The following ATL1 variants were observed in gnomAD, a reference collection of about 807,000 sequenced individuals.
ATL1 encodes atlastin GTPase 1.
In ATL1, 31 loss-of-function variants were observed where a neutral mutation model predicts 75.5. The ratio of observed to expected loss-of-function variants is 0.41; its 90% CI spans 0.31 to 0.55. The LOEUF is 0.55. ATL1 is among the 20% of genes least tolerant of loss of function. ATL1 has a pLI of 0.27. For missense variants in ATL1, 405 were observed against 662.6 expected, an observed-to-expected ratio of 0.61 and a Z score of 4.27; for synonymous variants, 226 against 233.3, an observed-to-expected ratio of 0.97 and a Z score of 0.28.
At chr14:50,628,619 A>G (rs1026457148) in intron 12 of ATL1, 157 bp downstream of exon 12, 7 of 760,316 alleles carry the variant, frequency 9.2e-6, no homozygotes, top group African/African-American at 6.9e-5. Flanking sequence ...AACTAACTAT[A>G]TAATACTGTG....
intron 1 of ATL1, among the ~76,000 whole-genome samples, chr14:50,573,724 T>C (rs767587027): frequency 2.6e-5 from 4 of 152,214 alleles, no homozygotes; most frequent in Admixed American, 6.5e-5. Flanking sequence ...ATCTGATAGA[T>C]ACTTTAAAGT....
At chr14:50,534,669 A>T (rs2038470643) in intron 1 of ATL1, among the ~76,000 whole-genome samples, 1 of 152,254 alleles carries the variant, frequency 6.6e-6, no homozygotes, top group Non-Finnish European at 1.5e-5. Context: ...GGAAAAAGTC[A>T]AGACTCTATG....
intron 9 of ATL1, 48 bp downstream of exon 9, chr14:50,620,774 T>C: frequency 3.1e-6 from 5 of 1,605,938 alleles, no homozygotes; most frequent in Non-Finnish European, 4.3e-6. Context: ...TTGACATATA[T>C]TGGATCGTAA....
intron 6 of ATL1, among the ~76,000 whole-genome samples, chr14:50,599,872 G>A (rs1031022627): frequency 6.6e-6 from 1 of 152,076 alleles, no homozygotes; most frequent in Non-Finnish European, 1.5e-5. Flanking sequence ...GAAGGGGTAT[G>A]AATTCTCCTG....
intron 1 of ATL1, among the ~76,000 whole-genome samples, chr14:50,585,745 T>A (rs2039095405): frequency 6.6e-6 from 1 of 152,198 alleles, no homozygotes; most frequent in South Asian, 2.1e-4. Context: ...TCCACAACTT[T>A]ATGTTGTAAA....
intron 1 of ATL1, 152 bp from the exon 2 acceptor site, chr14:50,587,679 G>A: frequency 9.5e-7 from 1 of 1,057,336 alleles, no homozygotes; most frequent in South Asian, 1.4e-5. Context: ...AAGGTGCTAG[G>A]ATTACAGGCA....
chr14:50,614,252 C>T (rs1473495820), intron 7 of ATL1, 121 bp from the exon 8 acceptor site: 2 of 1,086,570 alleles, frequency 1.8e-6, no homozygotes, highest in Non-Finnish European at 2.8e-6. Flanking sequence ...TTAGTAGCAG[C>T]CCTGTCGTGT....
chr14:50,559,534 A>C (rs941809467), upstream of ATL1: 4 of 152,160 alleles, frequency 2.6e-5, no homozygotes, highest in African/African-American at 9.7e-5. Context: ...TTGCTATTGG[A>C]CTATAGGTCT....
chr14:50,596,002 T>C (rs1324961349), intron 6 of ATL1, among the ~76,000 whole-genome samples: 1 of 152,100 alleles, frequency 6.6e-6, no homozygotes, highest in Non-Finnish European at 1.5e-5. Context: ...TCTTATGAGA[T>C]GTATTAAACA....
In ATL1 at chr14:50,613,252, T is replaced by C; in HGVS notation, c.631-7T>C. 6.2e-7 allele frequency: 1 copy of C among 1,609,292 alleles called. No individual in the cohort carries two copies. The highest frequency in any genetic ancestry group is 1.1e-5 in the South Asian group (1 of 90,960). On this transcript the variant is annotated splice_polypyrimidine_tract_variant and splice_region_variant and intron_variant, in intron 6 of 13. Transcript: ENST00000358385. Reference sequence around the variant, plus strand: ...CCTCATATCAATCCTTTCTTATTATTTTTTAGAGTCTGATATTTCTTGTTC... The same window carrying C: ...CCTCATATCAATCCTTTCTTATTATCTTTTAGAGTCTGATATTTCTTGTTC...
chr14:50,583,995 T>C (rs1436723223), intron 1 of ATL1, among the ~76,000 whole-genome samples: 2 of 152,210 alleles, frequency 1.3e-5, no homozygotes, highest in East Asian at 3.8e-4. Flanking sequence ...GTTTCTCATA[T>C]TTAAAAAAGA....
chr14:50,602,325 G>A (rs547689218), intron 6 of ATL1, among the ~76,000 whole-genome samples: 18 of 152,224 alleles, frequency 1.2e-4, no homozygotes, highest in African/African-American at 3.9e-4. Flanking sequence ...TTTCCACTCC[G>A]TCATGTGCTA....
intron 12 of ATL1, 50 bp downstream of exon 12, chr14:50,628,512 A>C: frequency 1.2e-4 from 181 of 1,561,266 alleles, no homozygotes; most frequent in Non-Finnish European, 1.5e-4. Flanking sequence ...TTTGAATGTC[A>C]TCCATGTGCC....
At chr14:50,547,631 G>A (rs1352265796) in intron 1 of ATL1, among the ~76,000 whole-genome samples, 3 of 152,178 alleles carry the variant, frequency 2.0e-5, no homozygotes, top group African/African-American at 7.2e-5. Context: ...TAACAGCCCT[G>A]TGTGGCCTGT....
At chr14:50,576,142 C>A (rs181832420) in intron 1 of ATL1, among the ~76,000 whole-genome samples, 1 of 152,270 alleles carries the variant, frequency 6.6e-6, no homozygotes, top group Admixed American at 6.5e-5. Flanking sequence ...CAATAAATTA[C>A]ATAAGATAGT....
Position 50,608,811 on chromosome 14 carries a change from A to AG in ATL1, c.631-4448_631-4447insG, listed in dbSNP as rs574532760. 4.3e-3 allele frequency among the ~76,000 whole-genome samples: 656 copies of AG among 152,216 alleles called. 4 individuals are homozygous for AG. Among genetic ancestry groups the AG allele is most frequent in the African/African-American group, 0.014 (571 of 41,556 alleles). The stretch of plus-strand genomic sequence containing the variant: ...CCCAGCTAACATCTATTTTCAAAAT[A>AG]CATGTTTTAGCAAGAAATGTTCAAA... On this transcript the variant is annotated intron_variant, in intron 6 of 13. Transcript: ENST00000358385.
intron 1 of ATL1, among the ~76,000 whole-genome samples, chr14:50,573,122 C>T (rs960830034): frequency 4.6e-5 from 7 of 152,120 alleles, no homozygotes; most frequent in Admixed American, 4.6e-4. Context: ...GTCCTTCCCC[C>T]AACATATGGA....
At chr14:50,575,224 T>C (rs1053607570) in intron 1 of ATL1, among the ~76,000 whole-genome samples, 1 of 151,724 alleles carries the variant, frequency 6.6e-6, no homozygotes, top group Non-Finnish European at 1.5e-5. Flanking sequence ...GAGAGATCCA[T>C]TGAATGGTTT....
chr14:50,620,378 G>C (rs1209603442), intron 8 of ATL1, among the ~76,000 whole-genome samples: 1 of 152,154 alleles, frequency 6.6e-6, no homozygotes, highest in Non-Finnish European at 1.5e-5. Context: ...CTAACTTATA[G>C]GTGGAAGACA....
Sources: allele counts gnomAD v4.1 joint callset (sites outside exome capture counted in the v4.1 genomes callset), GRCh38; gene constraint gnomAD v4.1.1; transcripts MANE v1.5; gene names NCBI Gene and HGNC (gene_info 2026-07-23, HGNC 2026-07-21).